KMT2D: variants seen among roughly 807,000 people sequenced by gnomAD.
The protein encoded by KMT2D is lysine methyltransferase 2D.
Under a neutral mutation model 512.7 loss-of-function variants are expected in KMT2D, and 55 were observed. The observed-to-expected ratio is 0.11, with a 90% CI of 0.09 to 0.13. The LOEUF (loss-of-function observed/expected upper bound fraction) is 0.13. Among genes scored for constraint, KMT2D ranks in the 10% least tolerant of loss-of-function variants. KMT2D has a pLI of 1.00. For synonymous variants in KMT2D, 2,995 were observed against 2,904.0 expected, an observed-to-expected ratio of 1.03 and a Z score of -1.01; for missense variants, 6,061 against 7,127.9, an observed-to-expected ratio of 0.85 and a Z score of 5.39.
In KMT2D at chr12:49,024,533, C is replaced by A. The variant is rs1449685078; in HGVS notation, c.16052+45G>T. 2 of 1,560,556 alleles carry A rather than the reference C, an allele frequency of 1.3e-6. No homozygotes were observed. The highest frequency in any genetic ancestry group is 1.7e-6 in the Non-Finnish European group (2 of 1,152,472). The stretch of plus-strand genomic sequence containing the variant: ...CATAATGGGACCAGAGGATCCCTGT[C>A]AACACCCACACCCACATCCCTTGGC... On this transcript the variant is annotated intron_variant, in intron 51 of 54. Transcript: ENST00000301067. This position sits in a 1 kb window ranked among gnomAD's most constrained non-coding sequence, Gnocchi z 4.5.
chr12:49,031,390 G>A lies in KMT2D; in HGVS notation c.13315C>T (p.Pro4439Ser), dbSNP rs1942903300. ...QSVKREANGE[P>S]IGAPGTSNHL... Reference sequence around the variant, plus strand: ...TTGCTGGTTCCTGGTGCCCCTATTGGCTCCCCATTGGCCTCCCTCTTCACT... The same window carrying A: ...TTGCTGGTTCCTGGTGCCCCTATTGACTCCCCATTGGCCTCCCTCTTCACT... The change falls in exon 40 of 55, where the codon CCA (proline) becomes TCA (serine). Residue 4439 changes from proline (P) to serine (S), a missense_variant. Transcript: ENST00000301067. The A allele has an allele frequency of 6.2e-7, 1 of 1,613,576 alleles. No homozygotes were observed. The highest frequency in any genetic ancestry group is 8.5e-7 in the Non-Finnish European group (1 of 1,179,880).
rs971192988 is a variant in KMT2D, at chr12:49,032,587, C to T, written c.12118G>A (p.Gly4040Arg). The T allele has an allele frequency of 1.9e-6, 3 of 1,613,828 alleles. No homozygotes were observed. The highest frequency in any genetic ancestry group is 2.2e-5 in the East Asian group (1 of 44,884). Residue 4040 changes from glycine to arginine, a missense_variant, in exon 40 of 55, where the codon GGG (glycine) becomes AGG (arginine). Physicochemically the swap from Gly to Arg is moderately radical, Grantham distance 125 (BLOSUM62 -2). This residue lies in a region of KMT2D where 1,600 missense variants were observed against 1,754.9 expected (regional missense o/e 0.91). Transcript: ENST00000301067. ...GGCCCTCCCTGATGTGTAGAGGGCCCCTCAGTGGCCTCTGAAGAAACGGCT... is the reference window on the plus strand; with the variant it reads ...GGCCCTCCCTGATGTGTAGAGGGCCTCTCAGTGGCCTCTGAAGAAACGGCT... ...DPAVSSEATE[G>R]PSTHQGGPLA...
chr12:49,030,525 C>T (rs1180988486), intron 42 of KMT2D, 76 bp downstream of exon 42: 2 of 1,479,178 alleles, frequency 1.4e-6, no homozygotes, highest in African/African-American at 1.4e-5. Context: ...GTCAGCAATT[C>T]CCTCAAGTTT....
At position 49,028,929 on chromosome 12, in the gene KMT2D, G is replaced by C. The variant is rs777053146; in HGVS notation, c.14281C>G (p.Leu4761Val). The C allele has an allele frequency of 6.2e-7, 1 of 1,614,004 alleles. No homozygotes were observed. Among genetic ancestry groups the C allele is most frequent in the Non-Finnish European group, 8.5e-7 (1 of 1,179,892 alleles). The change falls in exon 46 of 55, where the codon CTT (leucine) becomes GTT (valine). Residue 4761 changes from leucine (L) to valine (V), a missense_variant. Transcript: ENST00000301067. ...AGCTTTCCAGGGACCTCCAGGCCAA[G>C]GGCCCCATAAGGTTTGGTATCTGGG... ...VFPDTKPYGA[L>V]GLEVPGKLPV...
rs761108868 is a variant in KMT2D, at chr12:49,026,994, C to T, written c.14972G>A (p.Arg4991Gln). ...KWKGVRWKRL[R>Q]LLLTIQKGSG... ...GCCCTTCTGGATGGTCAGCAGCAGCCGAAGCCGCTTCCAGCGCACTCCTTT... is the reference window on the plus strand; with the variant it reads ...GCCCTTCTGGATGGTCAGCAGCAGCTGAAGCCGCTTCCAGCGCACTCCTTT... Residue 4991 changes from arginine (R) to glutamine (Q), a missense_variant, in exon 49 of 55, where the codon CGG becomes CAG. Transcript: ENST00000301067. This position sits in a 1 kb window ranked among gnomAD's most constrained non-coding sequence, Gnocchi z 9.6. 30 of 1,614,052 alleles carry T rather than the reference C, an allele frequency of 1.9e-5. No homozygotes were observed. Among genetic ancestry groups the T allele is most frequent in the Middle Eastern group, 1.6e-4 (1 of 6,062 alleles).
At chr12:49,034,979 C>T in intron 35 of KMT2D, 44 bp from the exon 36 acceptor site, 2 of 1,607,400 alleles carry the variant, frequency 1.2e-6, no homozygotes, top group Non-Finnish European at 1.7e-6. Context: ...GGGGCCAATG[C>T]TCCAGTGAAT....
intron 35 of KMT2D, 103 bp downstream of exon 35, chr12:49,037,022 C>T (rs1255894493): frequency 2.8e-6 from 4 of 1,422,082 alleles, no homozygotes; most frequent in South Asian, 3.1e-5. Context: ...TTCTTTGTGT[C>T]CCATCTTAAG....
chr12:49,030,396 G>T lies in KMT2D; in HGVS notation c.13883C>A (p.Pro4628His). The T allele has an allele frequency of 1.3e-6, 2 of 1,569,050 alleles. No homozygotes were observed. Among genetic ancestry groups the T allele is most frequent in the Non-Finnish European group, 1.7e-6 (2 of 1,152,198 alleles). The change falls in exon 43 of 55, where the codon CCC becomes CAC. Residue 4628 changes from proline (P) to histidine (H), a missense_variant. Coordinates refer to ENST00000301067, the MANE Select transcript of KMT2D (RefSeq NM_003482.4). ...CTGCTGCACCGATGGGGGTGGGGTG[G>T]GGGGCAGCGACGAGGGTGGTGTCGG... is the stretch of plus-strand genomic sequence containing the variant. Reference protein sequence around the residue: ...NPPTPPSSLPPTPPPSVQQKM... With the variant: ...NPPTPPSSLPHTPPPSVQQKM...
rs1383537110 is a variant in KMT2D at position 49,060,180 on chromosome 12, G to C, written c.-605C>G. On this transcript the variant is annotated 5_prime_UTR_variant, in exon 1 of 55. Coordinates refer to ENST00000301067, the MANE Select transcript of KMT2D (RefSeq NM_003482.4). ...GCGACGCGGGGCCGGCGGGGCCGCG[G>C]GGCTGAACCTGACACACACCCAGCG... Among the ~76,000 whole-genome samples the C allele has an allele frequency of 8.6e-5, 13 of 151,740 alleles. No homozygotes were observed. The highest frequency in any genetic ancestry group is 6.2e-4 in the South Asian group (3 of 4,836).
intron 12 of KMT2D, among the ~76,000 whole-genome samples, chr12:49,049,459 G>T (rs1319925825): frequency 6.6e-6 from 1 of 152,228 alleles, no homozygotes; most frequent in East Asian, 1.9e-4. Flanking sequence ...ACAATGGCTT[G>T]AAAGAACCAA....
In KMT2D at chr12:49,051,209, G is replaced by T; in HGVS notation, c.2474C>A (p.Ser825Tyr). 1 of 1,503,656 alleles carries T rather than the reference G, an allele frequency of 6.7e-7. No homozygotes were observed. The highest frequency in any genetic ancestry group is 8.9e-7 in the Non-Finnish European group (1 of 1,119,846). The allele number at this position is 1,503,656 out of a possible 1,614,324, so 93.1% of individuals were successfully genotyped here. ...LSPVPEEPCLSPQPEESHLSP... is the reference protein window; with the variant it reads ...LSPVPEEPCLYPQPEESHLSP... ...CAGGTGTGATTCCTCAGGTTGGGGGGACAAGCATGGCTCCTCAGGCACAGG... is the reference window on the plus strand; with the variant it reads ...CAGGTGTGATTCCTCAGGTTGGGGGTACAAGCATGGCTCCTCAGGCACAGG... The change falls in exon 11 of 55, where the codon TCC (serine) becomes TAC (tyrosine). Residue 825 changes from serine (S) to tyrosine (Y), a missense_variant. This residue lies in a region of KMT2D where 848 missense variants were observed against 838.5 expected (regional missense o/e 1.01). Coordinates refer to ENST00000301067, the MANE Select transcript of KMT2D (RefSeq NM_003482.4).
rs780369848 is a variant in KMT2D at position 49,022,668 on chromosome 12, G to A, written c.16260C>T (p.His5420=). 1 of 1,614,000 alleles carries A rather than the reference G, an allele frequency of 6.2e-7. No individual in the cohort carries two copies. The highest frequency in any genetic ancestry group is 1.1e-5 in the South Asian group (1 of 91,086). ...GLYAAKDLEK[H]TMVIEYIGTI... ...TGCCAATGTACTCGATAACCATTGT[G>A]TGCTTTTCTAGGTCCTTGGCTGCAT... The change falls in exon 52 of 55, where the codon CAC becomes CAT. Residue 5420 remains histidine (H), a synonymous_variant. Transcript: ENST00000301067. The surrounding 1 kb of genome is among the most constrained non-coding windows in gnomAD (Gnocchi z 8.6).
rs1565800662 is a variant in KMT2D at position 49,043,056 on chromosome 12, G to T, written c.5644+20C>A. ...CATAGAAAACCCTTATACACAAAGAGGTACGGGTCACAGCCTCACCTTCTG... is the reference window on the plus strand; with the variant it reads ...CATAGAAAACCCTTATACACAAAGATGTACGGGTCACAGCCTCACCTTCTG... On this transcript the variant is annotated intron_variant, in intron 26 of 54. Coordinates refer to ENST00000301067, the MANE Select transcript of KMT2D (RefSeq NM_003482.4). The T allele has an allele frequency of 6.3e-7, 1 of 1,598,922 alleles. No homozygotes were observed. Among genetic ancestry groups the T allele is most frequent in the Non-Finnish European group, 8.6e-7 (1 of 1,166,162 alleles).
rs1942209127 is a variant in KMT2D, at chr12:49,019,697, A to C, written c.*2083T>G. The C allele has an allele frequency of 4.3e-6, 1 of 232,076 alleles. No individual in the cohort carries two copies. The highest frequency in any genetic ancestry group is 8.5e-6 in the Non-Finnish European group (1 of 117,124). The allele number at this position is 232,076 out of a possible 1,614,324, so 14.4% of individuals were successfully genotyped here. A position where few individuals can be genotyped will look rare whatever the true frequency, so the allele number is the denominator to read the frequency against. ...GCTGTGGCTTTGAGGGCAGCAGCCC[A>C]GTCTTCCTACTGTCTGATTTAATTA... On this transcript the variant is annotated 3_prime_UTR_variant, in exon 55 of 55. Coordinates refer to ENST00000301067, the MANE Select transcript of KMT2D (RefSeq NM_003482.4).
Position 49,024,101 on chromosome 12 carries a change from C to T in KMT2D, c.16052+477G>A, listed in dbSNP as rs1465969722. On this transcript the variant is annotated intron_variant, in intron 51 of 54. Coordinates refer to ENST00000301067, the MANE Select transcript of KMT2D (RefSeq NM_003482.4). The surrounding 1 kb of genome is among the most constrained non-coding windows in gnomAD (Gnocchi z 4.5). The stretch of plus-strand genomic sequence containing the variant: ...AAATGAGATAATGGATGTGAAAACG[C>T]TTTGAAAAAAAAAGTATAAAGTGCT... 2.2e-6 allele frequency: 1 copy of T among 452,064 alleles called. No homozygotes were observed. Among genetic ancestry groups the T allele is most frequent in the African/African-American group, 2.0e-5 (1 of 49,518 alleles). 28.0% of individuals were successfully genotyped at this position (452,064 alleles called of 1,614,324 possible).
In KMT2D at chr12:49,034,586, C is replaced by G; in HGVS notation, c.10436G>C (p.Gly3479Ala). The G allele has an allele frequency of 6.2e-7, 1 of 1,613,486 alleles. No homozygotes were observed. The highest frequency in any genetic ancestry group is 1.6e-4 in the Middle Eastern group (1 of 6,062). Residue 3479 changes from glycine (G) to alanine (A), a missense_variant, in exon 37 of 55, where the codon GGC becomes GCC. Gly to Ala is a moderately conservative substitution (Grantham distance 60). Coordinates refer to ENST00000301067, the MANE Select transcript of KMT2D (RefSeq NM_003482.4). ...DLQNHVAAGS[G>A]QERSAGDPSQ... is the part of the protein sequence containing the mutation. ...TACTCCCACCTGACCACTTACCTGG[C>G]CACTCCCAGCTGCCACATGGTTCTG...
At chr12:49,025,611 T>A (rs1372294114) in intron 49 of KMT2D, among the ~76,000 whole-genome samples, 1 of 152,220 alleles carries the variant, frequency 6.6e-6, no homozygotes, top group Non-Finnish European at 1.5e-5. Context: ...TGTATCCCTG[T>A]CATTTAGCAA....
rs1307705318 is a variant in KMT2D, at chr12:49,046,385, G to C, written c.4458C>G (p.Gly1486=). ...AACTATTCTGCCATTCACAGTGGAAGCCAGGGGAAGCAGCCCCACACTGCA... is the reference window on the plus strand; with the variant it reads ...AACTATTCTGCCATTCACAGTGGAACCCAGGGGAAGCAGCCCCACACTGCA... ...SCMQCGAASP[G]FHCEWQNSYT... Residue 1486 remains glycine (G), a synonymous_variant, in exon 17 of 55, where the codon GGC becomes GGG. Coordinates refer to ENST00000301067, the MANE Select transcript of KMT2D (RefSeq NM_003482.4). The surrounding 1 kb of genome is among the most constrained non-coding windows in gnomAD (Gnocchi z 4.2). The C allele has an allele frequency of 1.2e-6, 2 of 1,613,900 alleles. No homozygotes were observed. The highest frequency in any genetic ancestry group is 2.7e-5 in the African/African-American group (2 of 74,926).
In KMT2D at chr12:49,029,485, T is replaced by C. The variant is rs749095096; in HGVS notation, c.14000-9A>G. On this transcript the variant is annotated splice_polypyrimidine_tract_variant and intron_variant, in intron 43 of 54. Coordinates refer to ENST00000301067, the MANE Select transcript of KMT2D (RefSeq NM_003482.4). Reference sequence around the variant, plus strand: ...CTTCACCTCTGAAGTATCTGAGGGGTGGGTAGGGAGAAGAAAAGTCAGGTG... The same window carrying C: ...CTTCACCTCTGAAGTATCTGAGGGGCGGGTAGGGAGAAGAAAAGTCAGGTG... The C allele has an allele frequency of 4.9e-5, 76 of 1,550,688 alleles. No individual in the cohort carries two copies. Among genetic ancestry groups the C allele is most frequent in the Non-Finnish European group, 5.8e-5 (67 of 1,146,202 alleles).
Sources: gnomAD v4.1 joint callset for allele counts (sites outside exome capture counted in the v4.1 genomes callset) on GRCh38, gnomAD v4.1.1 for gene constraint, gnomAD v4.1.1 regional missense constraint, Gnocchi (gnomAD v3.1) non-coding constraint, MANE v1.5 for transcripts, NCBI Gene and HGNC (gene_info 2026-07-23, HGNC 2026-07-21) for gene names.